The following CTNNA2 variants were observed in gnomAD, a reference collection of about 807,000 sequenced individuals.
CTNNA2 encodes the protein catenin alpha-2.
Under a neutral mutation model 101.0 loss-of-function variants are expected in CTNNA2, and 42 were observed. The observed-to-expected ratio is 0.42, with a 90% CI of 0.32 to 0.54. The LOEUF (loss-of-function observed/expected upper bound fraction) is 0.54, where lower values mean the gene tolerates loss of function less well. Among genes scored for constraint, CTNNA2 ranks in the 20% least tolerant of loss-of-function variants. The probability of loss-of-function intolerance (pLI) is 0.14; values close to 1 mark genes in which losing one functional copy is unlikely to be tolerated. For synonymous variants in CTNNA2, 450 were observed against 456.4 expected, an observed-to-expected ratio of 0.99 and a Z score of 0.18; for missense variants, 871 against 1,223.1, an observed-to-expected ratio of 0.71 and a Z score of 4.29.
intron 7 of CTNNA2, among the ~76,000 whole-genome samples, chr2:80,223,692 G>A (rs1000925146): frequency 1.3e-5 from 2 of 152,198 alleles, no homozygotes; most frequent in African/African-American, 4.8e-5. Context: ...AGGAAAGAGT[G>A]ACCACCACTT....
intron 3 of CTNNA2, among the ~76,000 whole-genome samples, chr2:79,765,043 A>C (rs1002190564): frequency 3.3e-5 from 5 of 152,330 alleles, no homozygotes; most frequent in African/African-American, 1.2e-4. Flanking sequence ...TCAGAGCTTC[A>C]ACAAGATATC....
rs76450058 is a variant in CTNNA2, at chr2:79,246,220, G to A, written c.-406+48144G>A. ...ATTTTCTACACTTACTTGAGGGTAT[G>A]GACAAGACGGTCTCTCAAATTTCTT... On this transcript the variant is annotated intron_variant, in intron 2 of 21. Coordinates refer to the CTNNA2 transcript ENST00000466387. 3.5e-3 allele frequency among the ~76,000 whole-genome samples: 528 copies of A among 152,250 alleles called. 13 individuals are homozygous for A. The East Asian group carries it at 0.062, about 18-fold the overall frequency.
chr2:79,499,132 A>C (rs530022345), intron 4 of CTNNA2: 1 of 152,328 alleles, frequency 6.6e-6, no homozygotes, highest in South Asian at 2.1e-4. Flanking sequence ...CATAACAAAG[A>C]CCATCAACTT....
intron 7 of CTNNA2, among the ~76,000 whole-genome samples, chr2:80,039,800 A>T (rs1695917369): frequency 6.6e-6 from 1 of 152,222 alleles, no homozygotes; most frequent in Non-Finnish European, 1.5e-5. Context: ...GAAAGACAGA[A>T]GTTTCTTTTT....
chr2:79,221,617 A>G (rs181296804), intron 2 of CTNNA2, among the ~76,000 whole-genome samples: 1 of 149,796 alleles, frequency 6.7e-6, no homozygotes, highest in Non-Finnish European at 1.5e-5. Context: ...TTTTTTTTTT[A>G]AAAAACTGAC....
In CTNNA2 at chr2:79,616,827, G is replaced by A. The variant is rs144429030; in HGVS notation, c.-5-34725G>A. Among the ~76,000 whole-genome samples the A allele has an allele frequency of 7.7e-4, 117 of 152,028 alleles. 1 individual carries two copies. Among genetic ancestry groups the A allele is most frequent in the African/African-American group, 2.7e-3 (112 of 41,462 alleles). On this transcript the variant is annotated intron_variant, in intron 1 of 18. Transcript: ENST00000402739. ...AGTGGTTATTTCCCCTATACAATTT[G>A]CAACCATTAATCCTTGTCTTTTGGC...
chr2:80,597,736 C>T (rs1234655620), intron 15 of CTNNA2, among the ~76,000 whole-genome samples: 1 of 152,148 alleles, frequency 6.6e-6, no homozygotes, highest in Non-Finnish European at 1.5e-5. Flanking sequence ...CATCACTGAT[C>T]ATTAGAGAAA....
At chr2:79,231,205 A>T (rs1200593391) in intron 2 of CTNNA2, among the ~76,000 whole-genome samples, 1 of 152,210 alleles carries the variant, frequency 6.6e-6, no homozygotes, top group Non-Finnish European at 1.5e-5. Flanking sequence ...CCCAAATCTC[A>T]ACTTGAATTG....
intron 4 of CTNNA2, among the ~76,000 whole-genome samples, chr2:79,460,998 C>T (rs1478003013): frequency 3.3e-5 from 5 of 152,080 alleles, no homozygotes; most frequent in Non-Finnish European, 5.9e-5. Flanking sequence ...TATGCCACCA[C>T]GCCCAGCTAA....
intron 7 of CTNNA2, among the ~76,000 whole-genome samples, chr2:80,241,644 G>C (rs1670951091): frequency 7.0e-6 from 1 of 143,636 alleles, no homozygotes; most frequent in Non-Finnish European, 1.5e-5. Flanking sequence ...GTTATATTTA[G>C]GCCTATACAT....
intron 7 of CTNNA2, among the ~76,000 whole-genome samples, chr2:80,270,364 G>C (rs574977659): frequency 2.7e-4 from 41 of 152,204 alleles, no homozygotes; most frequent in Non-Finnish European, 5.3e-4. Flanking sequence ...AGCCTTAGAG[G>C]TTTCTTGATG....
chr2:79,870,349 G>A lies in CTNNA2; in HGVS notation c.585+414G>A, dbSNP rs75202877. Among the ~76,000 whole-genome samples the A allele has an allele frequency of 5.8e-3, 880 of 151,998 alleles. 21 individuals are homozygous for A. Among genetic ancestry groups the A allele is most frequent in the East Asian group, 0.044 (228 of 5,144 alleles). On this transcript the variant is annotated intron_variant, in intron 5 of 18. Transcript: ENST00000402739. ...CACCACCACACATATACACTCCCAG[G>A]ATATGTAGTATGTGGGGTGAAATTT... is the stretch of plus-strand genomic sequence containing the variant.
chr2:79,620,025 C>CA (rs576816531), intron 1 of CTNNA2, among the ~76,000 whole-genome samples: 1 of 151,684 alleles, frequency 6.6e-6, no homozygotes, highest in African/African-American at 2.4e-5. Context: ...ATTAAGCAAA[C>CA]AAAAAAAATG....
At chr2:79,864,599 G>A (rs1264333405) in intron 4 of CTNNA2, among the ~76,000 whole-genome samples, 14 of 152,134 alleles carry the variant, frequency 9.2e-5, no homozygotes, top group Admixed American at 9.2e-4. Flanking sequence ...GCCAATGAAT[G>A]AATGAAAAGC....
At chr2:79,331,558 G>T (rs183077811) in intron 3 of CTNNA2, among the ~76,000 whole-genome samples, 1 of 152,178 alleles carries the variant, frequency 6.6e-6, no homozygotes, top group South Asian at 2.1e-4. Flanking sequence ...AATCCCAGTG[G>T]ATTCTCTTAC....
intron 7 of CTNNA2, among the ~76,000 whole-genome samples, chr2:80,003,431 CAAAGCCATAGCAAT>C (rs1186054726): frequency 1.3e-5 from 2 of 152,152 alleles, no homozygotes; most frequent in Non-Finnish European, 2.9e-5. Context: ...TACCTCAATG[CAAAGCCATAGCAAT>C]AATGCAGCTT....
chr2:79,829,109 C>T (rs189237089), intron 3 of CTNNA2, among the ~76,000 whole-genome samples: 9 of 152,160 alleles, frequency 5.9e-5, no homozygotes, highest in African/African-American at 1.7e-4. Context: ...TGAGATCTGA[C>T]CACTTGAAAA....
intron 2 of CTNNA2, among the ~76,000 whole-genome samples, chr2:79,739,079 T>A (rs931730615): frequency 1.3e-5 from 2 of 150,676 alleles, no homozygotes; most frequent in African/African-American, 4.9e-5. Flanking sequence ...CTGTTTTTTT[T>A]TTTTTTCTTT....
chr2:79,977,222 G>GCACACACACACACACACA (rs72018840), intron 7 of CTNNA2, among the ~76,000 whole-genome samples: 2 of 144,740 alleles, frequency 1.4e-5, no homozygotes, highest in African/African-American at 2.6e-5. Flanking sequence ...GCATATGCAT[G>GCACACACACACACACACA]CACACACACA....
Sources: allele counts gnomAD v4.1 joint callset (sites outside exome capture counted in the v4.1 genomes callset), GRCh38; gene constraint gnomAD v4.1.1; transcripts MANE v1.5; gene names NCBI Gene and HGNC (gene_info 2026-07-23, HGNC 2026-07-21).